GRIP1: variants seen among roughly 807,000 people sequenced by gnomAD.
GRIP1 encodes the protein glutamate receptor-interacting protein 1.
GRIP1 carries 45 observed loss-of-function variants against 129.9 expected under a neutral mutation model. The observed-to-expected ratio is 0.35, with a 90% CI of 0.27 to 0.44. The LOEUF is 0.44. GRIP1 is among the 20% of genes least tolerant of loss of function. GRIP1 has a pLI of 1.00. For synonymous variants in GRIP1, 530 were observed against 520.8 expected, an observed-to-expected ratio of 1.02 and a Z score of -0.24; for missense variants, 1,196 against 1,396.8, an observed-to-expected ratio of 0.86 and a Z score of 2.29.
chr12:67,052,149 T>C (rs1023008181), intron 1 of GRIP1, among the ~76,000 whole-genome samples: 3 of 152,256 alleles, frequency 2.0e-5, no homozygotes, highest in African/African-American at 7.2e-5. Flanking sequence ...TTCTGGGTTA[T>C]ATTCATAATC....
In GRIP1 at chr12:66,544,895, G is replaced by A. The variant is rs190656177; in HGVS notation, c.137-2945C>T. ...AACGAAGACAGAAGAAATGAAGACA[G>A]ATGCATTCATTTGCATGAGTTCACT... On this transcript the variant is annotated intron_variant, in intron 2 of 24. Transcript: ENST00000359742. Among the ~76,000 whole-genome samples, 3 of 152,270 alleles carry A rather than the reference G, an allele frequency of 2.0e-5. No individual in the cohort carries two copies. The East Asian group carries it at 5.8e-4, about 29-fold the overall frequency.
chr12:66,722,523 A>G (rs978042796), intron 1 of GRIP1, among the ~76,000 whole-genome samples: 2 of 152,194 alleles, frequency 1.3e-5, no homozygotes, highest in African/African-American at 4.8e-5. Context: ...ATATAATAAT[A>G]AAGTGTAAAA....
chr12:66,827,872 T>G (rs1296430643), intron 1 of GRIP1, among the ~76,000 whole-genome samples: 1 of 152,170 alleles, frequency 6.6e-6, no homozygotes, highest in African/African-American at 2.4e-5. Context: ...TAAAAACATA[T>G]CTTGCTTATA....
intron 23 of GRIP1, 108 bp from the exon 24 acceptor site, chr12:66,353,671 G>A: frequency 1.0e-6 from 1 of 981,142 alleles, no homozygotes. Context: ...ATCATGATTT[G>A]TAATATCAGC....
intron 1 of GRIP1, among the ~76,000 whole-genome samples, chr12:66,989,858 A>G (rs1237700098): frequency 1.3e-5 from 2 of 152,210 alleles, no homozygotes; most frequent in African/African-American, 4.8e-5. Context: ...AATCAGCTCT[A>G]TTGACTGCTG....
At chr12:66,453,307 T>C (rs2058862288) in intron 11 of GRIP1, among the ~76,000 whole-genome samples, 1 of 152,200 alleles carries the variant, frequency 6.6e-6, no homozygotes. Context: ...GAAGCAGAAG[T>C]ATGAACACTA....
At chr12:66,934,431 C>T (rs552535564) in intron 1 of GRIP1, among the ~76,000 whole-genome samples, 2 of 152,318 alleles carry the variant, frequency 1.3e-5, no homozygotes, top group African/African-American at 4.8e-5. Flanking sequence ...GAAATAACTA[C>T]ATCACTTAAA....
At chr12:66,385,016 T>C (rs2056291262) in intron 19 of GRIP1, among the ~76,000 whole-genome samples, 1 of 152,202 alleles carries the variant, frequency 6.6e-6, no homozygotes, top group Admixed American at 6.5e-5. Flanking sequence ...CTGAGGAATA[T>C]TCCTTTACAC....
At chr12:66,543,366 A>G (rs903414280) in intron 2 of GRIP1, among the ~76,000 whole-genome samples, 4 of 152,204 alleles carry the variant, frequency 2.6e-5, no homozygotes, top group Admixed American at 2.0e-4. Flanking sequence ...GAGGAGTCTG[A>G]GCGTGTATGA....
chr12:66,837,906 G>T (rs995733638), intron 1 of GRIP1, among the ~76,000 whole-genome samples: 2 of 152,106 alleles, frequency 1.3e-5, no homozygotes, highest in African/African-American at 4.8e-5. Flanking sequence ...AAAAAATCCA[G>T]CAGGAGGCTG....
At chr12:66,483,614 C>T (rs954427756) in intron 7 of GRIP1, among the ~76,000 whole-genome samples, 16 of 152,278 alleles carry the variant, frequency 1.1e-4, no homozygotes, top group Admixed American at 5.9e-4. Flanking sequence ...TAACTTGACC[C>T]CTTATTTTAC....
At chr12:66,708,721 C>T (rs965464825) in intron 1 of GRIP1, among the ~76,000 whole-genome samples, 1 of 151,416 alleles carries the variant, frequency 6.6e-6, no homozygotes, top group African/African-American at 2.4e-5. Context: ...GCAGAATGTG[C>T]AGTTTTGTTA....
chr12:66,713,925 G>T (rs926673552), intron 1 of GRIP1, among the ~76,000 whole-genome samples: 18 of 151,906 alleles, frequency 1.2e-4, no homozygotes, highest in African/African-American at 4.3e-4. Flanking sequence ...CTCCTTGATA[G>T]ACAAAGTTGG....
chr12:66,758,068 TATATTTACACA>T (rs1314753087), intron 1 of GRIP1, among the ~76,000 whole-genome samples: 2 of 152,156 alleles, frequency 1.3e-5, no homozygotes, highest in Non-Finnish European at 2.9e-5. Context: ...AAAAACAACA[TATATTTACACA>T]ATGTAGCTGG....
intron 1 of GRIP1, among the ~76,000 whole-genome samples, chr12:66,633,116 G>A (rs1392781910): frequency 2.6e-5 from 4 of 151,562 alleles, no homozygotes; most frequent in Non-Finnish European, 4.4e-5. Flanking sequence ...GGGCTCAAGT[G>A]ATCCTCCCAC....
At chr12:66,537,536 G>A (rs80193642) in intron 4 of GRIP1, among the ~76,000 whole-genome samples, 3 of 125,556 alleles carry the variant, frequency 2.4e-5, no homozygotes, top group African/African-American at 9.0e-5. Context: ...ATATATATAT[G>A]TATACCTACT....
chr12:66,644,253 C>T (rs2032176362), intron 1 of GRIP1, among the ~76,000 whole-genome samples: 1 of 152,036 alleles, frequency 6.6e-6, no homozygotes, highest in South Asian at 2.1e-4. Context: ...GGACACAGGG[C>T]CAAACCATAT....
chr12:66,668,757 C>T (rs1013742442), intron 1 of GRIP1, among the ~76,000 whole-genome samples: 20 of 149,582 alleles, frequency 1.3e-4, no homozygotes, highest in African/African-American at 4.9e-4. Flanking sequence ...ATAGGGAGAC[C>T]TCATCACTAT....
intron 2 of GRIP1, among the ~76,000 whole-genome samples, chr12:66,589,194 T>TTCTCTCTCTCTCTCTC (rs10582806): frequency 1.0e-3 from 96 of 95,628 alleles, no homozygotes; most frequent in African/African-American, 3.7e-3. Context: ...CTCCCCCACC[T>TTCTCTCTCTCTCTCTC]TCTCTCTCTC....
Sources: gnomAD v4.1 joint callset for allele counts (sites outside exome capture counted in the v4.1 genomes callset) on GRCh38, gnomAD v4.1.1 for gene constraint, MANE v1.5 for transcripts, NCBI Gene and HGNC (gene_info 2026-07-23, HGNC 2026-07-21) for gene names.